ST3GAL1: variants seen among roughly 807,000 people sequenced by gnomAD.
ST3GAL1 encodes ST3 beta-galactoside alpha-2,3-sialyltransferase 1, also known as CMP-N-acetylneuraminate-beta-galactosamide-alpha-2,3-sialyltransferase 1.
In ST3GAL1, 16 loss-of-function variants were observed where a neutral mutation model predicts 34.1. The observed-to-expected ratio is 0.47, with a 90% CI of 0.32 to 0.71. The LOEUF (loss-of-function observed/expected upper bound fraction) is 0.71. Ranked by LOEUF, ST3GAL1 falls within the 30% of genes least tolerant of loss-of-function variation. The probability of loss-of-function intolerance (pLI) is 0.04; values close to 1 mark genes in which losing one functional copy is unlikely to be tolerated. For synonymous variants in ST3GAL1, 191 were observed against 184.7 expected (o/e 1.03, Z -0.28); for missense variants, 353 against 447.4 (o/e 0.79, Z 1.90).
rs928605331 is a variant in ST3GAL1 at position 133,531,252 on chromosome 8, TAC to T, written c.-429+14520_-429+14521del. Among the ~76,000 whole-genome samples the T allele has an allele frequency of 1.7e-4, 26 of 152,322 alleles. 1 individual carries two copies. The East Asian group carries it at 4.8e-3, about 28-fold the overall frequency. On this transcript the variant is annotated intron_variant, in intron 2 of 9. Transcript: ENST00000522652. ...AGCATAAATATACATGACTATATAG[TAC>T]ACACACATATATACTCACACATATA...
Position 133,454,853 on chromosome 8 carries a change from T to C in ST3GAL1, c.*4911A>G. The C allele has an allele frequency of 6.6e-6, 1 of 152,120 alleles. No individual in the cohort carries two copies. The highest frequency in any genetic ancestry group is 2.1e-4 in the South Asian group (1 of 4,818). The allele number at this position is 152,120 out of a possible 1,614,324, so 9.4% of individuals were successfully genotyped here. On this transcript the variant is annotated 3_prime_UTR_variant, in exon 10 of 10. Transcript: ENST00000522652. Reference sequence around the variant, plus strand: ...AAAAGCAACAAACACACCCAAACAATAAAATAGCTCTTTGTTTATTCACTT... The same window carrying C: ...AAAAGCAACAAACACACCCAAACAACAAAATAGCTCTTTGTTTATTCACTT...
Position 133,497,455 on chromosome 8 carries a change from A to ATTTT in ST3GAL1, c.-374+1679_-374+1680insAAAA, listed in dbSNP as rs1816988627. 6.9e-5 allele frequency among the ~76,000 whole-genome samples: 7 copies of ATTTT among 101,242 alleles called. 1 individual carries two copies. The highest frequency in any genetic ancestry group is 1.5e-4 in the African/African-American group (4 of 26,532). 66.4% of individuals were successfully genotyped at this position (101,242 alleles called of 152,430 possible). On this transcript the variant is annotated intron_variant, in intron 3 of 9. Transcript: ENST00000522652. ...CTTCTCTCCCATGCAATTTTGTTGGAATTTTTTTTTTTTTTTTTTTTTTTT... is the reference window on the plus strand; with the variant it reads ...CTTCTCTCCCATGCAATTTTGTTGGATTTTATTTTTTTTTTTTTTTTTTTTTTTT...
chr8:133,509,075 T>C (rs1817429683), intron 2 of ST3GAL1, among the ~76,000 whole-genome samples: 1 of 152,216 alleles, frequency 6.6e-6, no homozygotes. Flanking sequence ...CTATTTCCAA[T>C]TAAAATTAAA....
At chr8:133,473,700 C>G (rs1816052252) in intron 5 of ST3GAL1, among the ~76,000 whole-genome samples, 1 of 152,268 alleles carries the variant, frequency 6.6e-6, no homozygotes, top group Non-Finnish European at 1.5e-5. Context: ...CACACACACG[C>G]ACACCCCACC....
intron 3 of ST3GAL1, among the ~76,000 whole-genome samples, chr8:133,477,598 C>T (rs1816227597): frequency 6.6e-6 from 1 of 151,878 alleles, no homozygotes; most frequent in Non-Finnish European, 1.5e-5. Context: ...GTTAACTGGT[C>T]TTCAGATTAC....
chr8:133,502,216 C>G (rs138744823), intron 2 of ST3GAL1, among the ~76,000 whole-genome samples: 21 of 152,048 alleles, frequency 1.4e-4, no homozygotes, highest in African/African-American at 4.8e-4. Context: ...GTAGGCCAGA[C>G]GCTGTCCTAA....
intron 5 of ST3GAL1, among the ~76,000 whole-genome samples, chr8:133,474,300 G>A (rs1321649223): frequency 6.6e-6 from 1 of 152,084 alleles, no homozygotes; most frequent in Non-Finnish European, 1.5e-5. Context: ...GCTTGAGTTT[G>A]TCTGTTTTCC....
chr8:133,483,802 G>A (rs12548953), intron 3 of ST3GAL1, among the ~76,000 whole-genome samples: 13,884 of 152,194 alleles, frequency 0.091, 735 homozygotes, highest in Admixed American at 0.15. Context: ...TGGGTCAGGA[G>A]GCAGCTGGTC....
At chr8:133,527,797 C>A (rs9632810) in intron 2 of ST3GAL1, among the ~76,000 whole-genome samples, 48,552 of 151,940 alleles carry the variant, frequency 0.32, 8,445 homozygotes, top group East Asian at 0.65. Flanking sequence ...CCCCAGCTCG[C>A]ATCATAACTC....
intron 2 of ST3GAL1, among the ~76,000 whole-genome samples, chr8:133,544,788 A>G (rs1286406058): frequency 1.3e-5 from 2 of 152,210 alleles, no homozygotes; most frequent in African/African-American, 2.4e-5. Context: ...AGAAATTTTA[A>G]AAGTTACTCC....
At chr8:133,480,494 C>T (rs977915531) in intron 3 of ST3GAL1, among the ~76,000 whole-genome samples, 1 of 152,156 alleles carries the variant, frequency 6.6e-6, no homozygotes, top group Non-Finnish European at 1.5e-5. Context: ...CAGCCCCTGG[C>T]ACTATGGTCA....
chr8:133,522,914 T>G (rs2978009), intron 2 of ST3GAL1, among the ~76,000 whole-genome samples: 43,105 of 152,056 alleles, frequency 0.28, 7,009 homozygotes, highest in Middle Eastern at 0.38. Flanking sequence ...CCCTAGAGCC[T>G]AGGGCAGAGA....
At chr8:133,535,400 TA>T (rs1042339167) in intron 2 of ST3GAL1, among the ~76,000 whole-genome samples, 44 of 152,332 alleles carry the variant, frequency 2.9e-4, no homozygotes, top group African/African-American at 9.6e-4. Flanking sequence ...GGTGCTGCAT[TA>T]TTTTTTTGTT....
rs376880755 is a variant in ST3GAL1, at chr8:133,475,832, T to C, written c.193A>G (p.Ile65Val). 6.2e-7 allele frequency: 1 copy of C among 1,614,106 alleles called. No homozygotes were observed. Residue 65 changes from isoleucine to valine, a missense_variant, in exon 5 of 10, where the codon ATC (isoleucine) becomes GTC (valine). Transcript: ENST00000522652. ...CAGGCCGAGAGCTTGCGCTGCCCGA[T>C]GCAGTGGGTGCAGGTGCAAGGCCTG... ...KHRPCTCTHC[I>V]GQRKLSAWFD...
intron 3 of ST3GAL1, among the ~76,000 whole-genome samples, chr8:133,495,434 G>A (rs781362162): frequency 1.3e-5 from 2 of 152,176 alleles, no homozygotes; most frequent in Non-Finnish European, 2.9e-5. Flanking sequence ...GAGAAGTTCA[G>A]CCATTGCAAT....
At chr8:133,480,480 C>A (rs1476087803) in intron 3 of ST3GAL1, among the ~76,000 whole-genome samples, 1 of 152,158 alleles carries the variant, frequency 6.6e-6, no homozygotes, top group East Asian at 1.9e-4. Context: ...CCCAGCCCTT[C>A]ACACAGCCCC....
intron 1 of ST3GAL1, among the ~76,000 whole-genome samples, chr8:133,553,107 C>T (rs570573951): frequency 9.3e-4 from 141 of 152,242 alleles, no homozygotes; most frequent in Non-Finnish European, 1.5e-3. Context: ...CTGACATGAC[C>T]TTGAGGCACA....
At chr8:133,476,254 T>C (rs1816173154) in intron 4 of ST3GAL1, 24 bp downstream of exon 4, 3 of 465,400 alleles carry the variant, frequency 6.4e-6, no homozygotes, top group Non-Finnish European at 1.1e-5. Flanking sequence ...TCGTGGCATG[T>C]TGGCTTTGCT....
chr8:133,524,067 C>A (rs1817890317), intron 2 of ST3GAL1, among the ~76,000 whole-genome samples: 1 of 152,184 alleles, frequency 6.6e-6, no homozygotes, highest in South Asian at 2.1e-4. Flanking sequence ...TGCTCTTATG[C>A]CATTTCATGG....
Sources: allele counts gnomAD v4.1 joint callset (sites outside exome capture counted in the v4.1 genomes callset), GRCh38; gene constraint gnomAD v4.1.1; transcripts MANE v1.5; gene names NCBI Gene and HGNC (gene_info 2026-07-23, HGNC 2026-07-21).